Variants in SLC44A5 observed in about 807,000 individuals in gnomAD.
The protein encoded by SLC44A5 is choline transporter-like protein 5.
In SLC44A5, 57 loss-of-function variants were observed where a neutral mutation model predicts 101.8. That is an observed-to-expected ratio of 0.56 (90% CI 0.45 to 0.70). The LOEUF is 0.70. Ranked by LOEUF, SLC44A5 falls within the 30% of genes least tolerant of loss-of-function variation. The pLI is 0.00. For synonymous variants in SLC44A5, 281 were observed against 290.9 expected (o/e 0.97, Z 0.35); for missense variants, 737 against 853.1 (o/e 0.86, Z 1.70).
chr1:75,573,318 T>C (rs1673185811), intron 1 of SLC44A5, among the ~76,000 whole-genome samples: 1 of 151,824 alleles, frequency 6.6e-6, no homozygotes, highest in Admixed American at 6.6e-5. Flanking sequence ...AACTCCAGAC[T>C]GTGTGACAGA....
chr1:75,676,408 T>C, the SLC44A5 span, among the ~76,000 whole-genome samples: 3 of 152,114 alleles, frequency 2.0e-5, no homozygotes, highest in South Asian at 2.1e-4. Flanking sequence ...TGCAGTGACA[T>C]GGATGGAGCT....
chr1:75,714,212 A>T, the SLC44A5 span, among the ~76,000 whole-genome samples: 2 of 152,208 alleles, frequency 1.3e-5, no homozygotes, highest in South Asian at 4.1e-4. Context: ...CCCTGGGATA[A>T]AAGGTTGGTT....
chr1:75,677,714 T>C, the SLC44A5 span: 2 of 433,932 alleles, frequency 4.6e-6, no homozygotes, highest in Non-Finnish European at 9.1e-6. Flanking sequence ...CAAGACCCAG[T>C]GCAATCATCT....
At chr1:75,590,973 A>G (rs1459480431) in intron 1 of SLC44A5, among the ~76,000 whole-genome samples, 1 of 152,168 alleles carries the variant, frequency 6.6e-6, no homozygotes, top group Non-Finnish European at 1.5e-5. Flanking sequence ...GGGAGTAGTT[A>G]CAGCAGGACT....
chr1:75,679,535 T>C, the SLC44A5 span, among the ~76,000 whole-genome samples: 11,485 of 151,238 alleles, frequency 0.076, 1,424 homozygotes, highest in African/African-American at 0.26. Flanking sequence ...GAAGGAGAAA[T>C]AAAATACTTT....
intron 3 of SLC44A5, among the ~76,000 whole-genome samples, chr1:75,343,220 GTTTA>G (rs904040032): frequency 4.6e-5 from 7 of 152,098 alleles, no homozygotes; most frequent in African/African-American, 1.7e-4. Flanking sequence ...TGATCACCAA[GTTTA>G]TTGTCTTGCA....
intron 9 of SLC44A5, among the ~76,000 whole-genome samples, chr1:75,240,970 A>G (rs1305332943): frequency 6.6e-6 from 1 of 151,998 alleles, no homozygotes; most frequent in African/African-American, 2.4e-5. Context: ...TAAGGATAGT[A>G]ACAGTTTGAA....
At chr1:75,487,891 C>A (rs1668234448) in intron 2 of SLC44A5, among the ~76,000 whole-genome samples, 1 of 152,154 alleles carries the variant, frequency 6.6e-6, no homozygotes, top group African/African-American at 2.4e-5. Flanking sequence ...GCCAGTGAAG[C>A]TTCATCTGTA....
At chr1:75,699,536 C>T in the SLC44A5 span, among the ~76,000 whole-genome samples, 4 of 150,846 alleles carry the variant, frequency 2.7e-5, no homozygotes, top group African/African-American at 7.3e-5. Flanking sequence ...TGGTACCAGC[C>T]GCTGCAAAAT....
At chr1:75,345,166 G>A (rs2101049216) in intron 3 of SLC44A5, among the ~76,000 whole-genome samples, 1 of 150,634 alleles carries the variant, frequency 6.6e-6, no homozygotes, top group South Asian at 2.1e-4. Flanking sequence ...ACTCCTAGAA[G>A]TGCACCGATG....
chr1:75,615,382 A>G (rs936720732), upstream of SLC44A5, among the ~76,000 whole-genome samples: 1 of 151,116 alleles, frequency 6.6e-6, no homozygotes, highest in Non-Finnish European at 1.5e-5. Context: ...GAAGAAAAGA[A>G]TAGAAGAGAC....
At chr1:75,619,739 T>C in the SLC44A5 span, among the ~76,000 whole-genome samples, 1 of 152,128 alleles carries the variant, frequency 6.6e-6, no homozygotes, top group African/African-American at 2.4e-5. Context: ...GCATCTAATG[T>C]CCCTAGAATT....
chr1:75,614,127 T>A (rs1675768682), upstream of SLC44A5, among the ~76,000 whole-genome samples: 1 of 152,202 alleles, frequency 6.6e-6, no homozygotes, highest in African/African-American at 2.4e-5. Context: ...CATCGTGCCA[T>A]ATGGCTCCAT....
intron 2 of SLC44A5, among the ~76,000 whole-genome samples, chr1:75,412,630 G>C (rs936150768): frequency 6.6e-6 from 1 of 152,076 alleles, no homozygotes; most frequent in Non-Finnish European, 1.5e-5. Context: ...CCACAGTTTT[G>C]CTTTCTGTAA....
intron 2 of SLC44A5, among the ~76,000 whole-genome samples, chr1:75,463,030 C>A (rs1000314692): frequency 6.6e-6 from 1 of 152,092 alleles, no homozygotes; most frequent in African/African-American, 2.4e-5. Context: ...TATCAATATT[C>A]AAGGACAAGA....
intron 2 of SLC44A5, among the ~76,000 whole-genome samples, chr1:75,506,884 C>T (rs1669286661): frequency 7.0e-6 from 1 of 143,364 alleles, no homozygotes; most frequent in African/African-American, 2.6e-5. Flanking sequence ...AGTAGGAATC[C>T]TTGTCTGGTT....
At chr1:75,218,821 T>C (rs1482881862) in intron 16 of SLC44A5, 69 bp from the exon 17 acceptor site, 2 of 1,444,980 alleles carry the variant, frequency 1.4e-6, no homozygotes, top group African/African-American at 1.4e-5. Context: ...CTCCCTGTGT[T>C]TTCCTCTTCC....
chr1:75,597,586 T>C (rs1276562215), intron 1 of SLC44A5, among the ~76,000 whole-genome samples: 1 of 151,950 alleles, frequency 6.6e-6, no homozygotes, highest in Non-Finnish European at 1.5e-5. Flanking sequence ...CATGGTACTG[T>C]TACAAAAACA....
chr1:75,280,522 T>A (rs1048427100), intron 5 of SLC44A5, among the ~76,000 whole-genome samples: 2 of 134,668 alleles, frequency 1.5e-5, no homozygotes, highest in Non-Finnish European at 3.0e-5. Context: ...AAACACCTTT[T>A]CTTTATTCAC....
Sources: gnomAD v4.1 joint callset for allele counts (sites outside exome capture counted in the v4.1 genomes callset) on GRCh38, gnomAD v4.1.1 for gene constraint, MANE v1.5 for transcripts, NCBI Gene and HGNC (gene_info 2026-07-23, HGNC 2026-07-21) for gene names.